ATL1: variants seen among roughly 807,000 people sequenced by gnomAD.
The protein encoded by ATL1 is atlastin-1.
A neutral mutation model predicts 75.5 loss-of-function variants in ATL1; 31 were observed. The observed-to-expected ratio is 0.41, with a 90% confidence interval of 0.31 to 0.55. ATL1 has a LOEUF of 0.55. Among genes scored for constraint, ATL1 ranks in the 20% least tolerant of loss-of-function variants. ATL1 has a pLI of 0.27. For missense variants in ATL1, 405 were observed against 662.6 expected, an observed-to-expected ratio of 0.61 and a Z score of 4.27; for synonymous variants, 226 against 233.3, an observed-to-expected ratio of 0.97 and a Z score of 0.28.
At chr14:50,564,414 C>A (rs2038881049) in intron 1 of ATL1, among the ~76,000 whole-genome samples, 1 of 151,948 alleles carries the variant, frequency 6.6e-6, no homozygotes, top group Non-Finnish European at 1.5e-5. Flanking sequence ...CTTTGGGAAG[C>A]TAAGGCGGGC....
At chr14:50,621,439 G>A (rs991028249) in intron 9 of ATL1, among the ~76,000 whole-genome samples, 8 of 152,144 alleles carry the variant, frequency 5.3e-5, no homozygotes, top group Admixed American at 4.6e-4. Context: ...TTTTTACTGC[G>A]TGTAACACTG....
intron 1 of ATL1, among the ~76,000 whole-genome samples, chr14:50,562,431 T>C (rs1451987347): frequency 6.6e-6 from 1 of 152,186 alleles, no homozygotes; most frequent in Non-Finnish European, 1.5e-5. Context: ...CAGGGACTTA[T>C]TAGAAATGCA....
At chr14:50,591,743 T>G in intron 4 of ATL1, 104 bp downstream of exon 4, 1 of 837,926 alleles carries the variant, frequency 1.2e-6, no homozygotes, top group Admixed American at 2.0e-5. Flanking sequence ...AAATTGGGAA[T>G]CATATATATT....
At chr14:50,598,991 AT>A (rs1379097590) in intron 6 of ATL1, among the ~76,000 whole-genome samples, 5 of 152,260 alleles carry the variant, frequency 3.3e-5, no homozygotes, top group Admixed American at 2.6e-4. Flanking sequence ...TATAAAGCTA[AT>A]AGAAGAAAGT....
In ATL1 at chr14:50,614,232, T is replaced by C. The variant is rs534627563; in HGVS notation, c.724-141T>C. The C allele has an allele frequency of 8.9e-5, 83 of 935,440 alleles. 1 individual carries two copies. Among genetic ancestry groups the C allele is most frequent in the South Asian group, 8.5e-4 (58 of 67,926 alleles). The allele number at this position is 935,440 out of a possible 1,614,324, so 57.9% of individuals were successfully genotyped here. ...GTGTGGGCAAACCCACCCAAGACTTTCTTCTTTCTTTAGTAGCAGCCCTGT... is the reference window on the plus strand; with the variant it reads ...GTGTGGGCAAACCCACCCAAGACTTCCTTCTTTCTTTAGTAGCAGCCCTGT... On this transcript the variant is annotated intron_variant, in intron 7 of 13. Transcript: ENST00000358385.
chr14:50,592,702 G>A (rs2039170687), intron 4 of ATL1, among the ~76,000 whole-genome samples: 1 of 151,608 alleles, frequency 6.6e-6, no homozygotes, highest in South Asian at 2.1e-4. Flanking sequence ...ACGAGGTCAG[G>A]AGATCGAGAC....
At chr14:50,538,178 G>A (rs1466618073) in intron 1 of ATL1, among the ~76,000 whole-genome samples, 1 of 152,110 alleles carries the variant, frequency 6.6e-6, no homozygotes, top group Admixed American at 6.5e-5. Flanking sequence ...GAGATCTGAT[G>A]GTTTTAAAAA....
intron 13 of ATL1, chr14:50,630,818 G>A (rs2934692): frequency 1 from 339,736 of 339,740 alleles, 169,866 homozygotes; most frequent in Middle Eastern, 1. Flanking sequence ...GCAAATTTCA[G>A]CTTTGTAAAT....
chr14:50,598,459 C>T (rs557037833), intron 6 of ATL1, among the ~76,000 whole-genome samples: 1 of 151,990 alleles, frequency 6.6e-6, no homozygotes, highest in African/African-American at 2.4e-5. Context: ...CTCCCGGGTT[C>T]AAGCGATTCT....
intron 1 of ATL1, among the ~76,000 whole-genome samples, chr14:50,561,278 A>C (rs2038841812): frequency 6.6e-6 from 1 of 152,234 alleles, no homozygotes; most frequent in East Asian, 1.9e-4. Context: ...GATTTCTTGC[A>C]GTCACAGTGC....
chr14:50,593,058 C>G (rs1188383598), intron 4 of ATL1, among the ~76,000 whole-genome samples: 1 of 150,412 alleles, frequency 6.6e-6, no homozygotes, highest in Non-Finnish European at 1.5e-5. Context: ...CTTTAAAATA[C>G]TGACTTAATC....
chr14:50,546,872 T>C (rs972081158), intron 1 of ATL1, among the ~76,000 whole-genome samples: 1 of 152,110 alleles, frequency 6.6e-6, no homozygotes, highest in African/African-American at 2.4e-5. Flanking sequence ...AGTTCTGGGG[T>C]ACATGTGCGG....
At chr14:50,558,042 C>T (rs973237176), upstream of ATL1, among the ~76,000 whole-genome samples, 8 of 152,154 alleles carry the variant, frequency 5.3e-5, no homozygotes, top group African/African-American at 1.9e-4. Flanking sequence ...TTTTTAAAAG[C>T]TTCCATTAAT....
At chr14:50,550,551 A>G (rs1393968850) in intron 1 of ATL1, among the ~76,000 whole-genome samples, 1 of 152,240 alleles carries the variant, frequency 6.6e-6, no homozygotes, top group East Asian at 1.9e-4. Flanking sequence ...GACTGGTTCA[A>G]CAGCACCAAT....
intron 1 of ATL1, among the ~76,000 whole-genome samples, chr14:50,566,079 C>T (rs1001112088): frequency 6.6e-6 from 1 of 152,172 alleles, no homozygotes; most frequent in Non-Finnish European, 1.5e-5. Context: ...CTCACTGCAA[C>T]CTCCGCCTCC....
chr14:50,618,897 T>C (rs865881332), intron 8 of ATL1, among the ~76,000 whole-genome samples: 48 of 141,402 alleles, frequency 3.4e-4, no homozygotes, highest in Middle Eastern at 3.6e-3. Context: ...ATATATTTTT[T>C]TTTCTTTCTT....
At chr14:50,604,680 T>A (rs2039300781) in intron 6 of ATL1, among the ~76,000 whole-genome samples, 1 of 152,098 alleles carries the variant, frequency 6.6e-6, no homozygotes, top group Admixed American at 6.6e-5. Context: ...GTCCAAAATA[T>A]TTATACTGGG....
intron 1 of ATL1, among the ~76,000 whole-genome samples, chr14:50,566,652 T>A (rs2038906550): frequency 6.6e-6 from 1 of 152,204 alleles, no homozygotes; most frequent in Admixed American, 6.5e-5. Flanking sequence ...CTTTGCCCAT[T>A]TTAAAATTAG....
At chr14:50,609,262 G>T (rs941024416) in intron 6 of ATL1, among the ~76,000 whole-genome samples, 20 of 152,070 alleles carry the variant, frequency 1.3e-4, no homozygotes, top group African/African-American at 4.3e-4. Flanking sequence ...ATGTATATTT[G>T]TTTGCGGAAC....
Sources: allele counts gnomAD v4.1 joint callset (sites outside exome capture counted in the v4.1 genomes callset), GRCh38; gene constraint gnomAD v4.1.1; transcripts MANE v1.5; gene names NCBI Gene and HGNC (gene_info 2026-07-23, HGNC 2026-07-21).